The following KLF12 variants were observed in gnomAD, a reference collection of about 807,000 sequenced individuals.
The protein encoded by KLF12 is KLF transcription factor 12.
KLF12 carries 9 observed loss-of-function variants against 37.8 expected under a neutral mutation model. That is an observed-to-expected ratio of 0.24 (90% CI 0.14 to 0.42). KLF12 has a LOEUF of 0.42. Among genes scored for constraint, KLF12 ranks in the 10% least tolerant of loss-of-function variants. The pLI, the probability that KLF12 is intolerant of heterozygous loss-of-function variation, is 1.00. For missense variants in KLF12, 411 were observed against 516.0 expected (o/e 0.80, Z 1.97); for synonymous variants, 208 against 202.1 (o/e 1.03, Z -0.25).
chr13:74,195,245 T>C, the KLF12 span, among the ~76,000 whole-genome samples: 1 of 152,104 alleles, frequency 6.6e-6, no homozygotes, highest in Non-Finnish European at 1.5e-5. Flanking sequence ...CTACTTTTAG[T>C]GGAAAAGAAA....
intron 1 of KLF12, among the ~76,000 whole-genome samples, chr13:74,079,761 ACT>A (rs940462001): frequency 1.3e-5 from 2 of 152,138 alleles, no homozygotes; most frequent in Non-Finnish European, 2.9e-5. Flanking sequence ...AAAAATCGAA[ACT>A]CTTGTGTACT....
At chr13:73,803,782 ACACACAC>A (rs1566378738) in intron 5 of KLF12, among the ~76,000 whole-genome samples, 1 of 118,322 alleles carries the variant, frequency 8.5e-6, no homozygotes, top group African/African-American at 3.0e-5. Flanking sequence ...TCACACACAC[ACACACAC>A]ACACACACAC....
the KLF12 span, among the ~76,000 whole-genome samples, chr13:74,262,210 C>T: frequency 6.6e-6 from 1 of 152,072 alleles, no homozygotes; most frequent in Admixed American, 6.5e-5. Flanking sequence ...TAGAATTGAA[C>T]AAATGAGAGG....
chr13:73,773,386 A>G (rs755459504), intron 5 of KLF12, among the ~76,000 whole-genome samples: 1 of 152,232 alleles, frequency 6.6e-6, no homozygotes, highest in Non-Finnish European at 1.5e-5. Context: ...GTCAGGACAG[A>G]AAAGAGTGTC....
chr13:74,148,057 A>T, the KLF12 span, among the ~76,000 whole-genome samples: 1 of 151,892 alleles, frequency 6.6e-6, no homozygotes, highest in South Asian at 2.1e-4. Flanking sequence ...GATTACAGGC[A>T]TGTACCACCA....
At chr13:74,247,546 T>G in the KLF12 span, among the ~76,000 whole-genome samples, 1 of 152,224 alleles carries the variant, frequency 6.6e-6, no homozygotes, top group African/African-American at 2.4e-5. Context: ...TCATAGCACT[T>G]TCTCTTGTAA....
chr13:74,249,112 G>A, the KLF12 span, among the ~76,000 whole-genome samples: 1 of 151,980 alleles, frequency 6.6e-6, no homozygotes, highest in South Asian at 2.1e-4. Flanking sequence ...TCTGACAATT[G>A]CTGTGTGATA....
chr13:73,788,663 A>AT (rs1881496150), intron 5 of KLF12, among the ~76,000 whole-genome samples: 1 of 151,394 alleles, frequency 6.6e-6, no homozygotes, highest in Non-Finnish European at 1.5e-5. Context: ...ATTTTTAAAG[A>AT]TTTTTGTTCC....
the KLF12 span, among the ~76,000 whole-genome samples, chr13:74,280,673 G>C: frequency 6.6e-6 from 1 of 152,166 alleles, no homozygotes; most frequent in Admixed American, 6.6e-5. Flanking sequence ...CTTGTGGATG[G>C]AGTCAGAGCA....
chr13:73,928,635 A>C (rs1889519633), intron 3 of KLF12, among the ~76,000 whole-genome samples: 1 of 152,198 alleles, frequency 6.6e-6, no homozygotes, highest in African/African-American at 2.4e-5. Context: ...TTTTTCATGA[A>C]ACATGATAAA....
At chr13:73,743,467 T>A (rs561786651) in intron 6 of KLF12, among the ~76,000 whole-genome samples, 1 of 152,204 alleles carries the variant, frequency 6.6e-6, no homozygotes, top group African/African-American at 2.4e-5. Context: ...TCTGAGATCC[T>A]GAAAGCACCG....
the KLF12 span, among the ~76,000 whole-genome samples, chr13:74,154,718 G>A: frequency 1.3e-5 from 2 of 152,132 alleles, no homozygotes; most frequent in Non-Finnish European, 2.9e-5. Context: ...TCCCATCACT[G>A]GGCCATGACA....
At position 73,845,845 on chromosome 13, in the gene KLF12, C is replaced by T. The variant is rs1884981580; in HGVS notation, c.652G>A (p.Gly218Arg). ...CTCTTACCTTTGCCATGGCCTCTCCCATCCTCCAAAAGCGGCACGACAATA... is the reference window on the plus strand; with the variant it reads ...CTCTTACCTTTGCCATGGCCTCTCCTATCCTCCAAAAGCGGCACGACAATA... Residue 218 changes from glycine (G) to arginine (R), a missense_variant, in exon 4 of 8, where the codon GGG (glycine) becomes AGG (arginine). This residue lies in a region of KLF12 where 351 missense variants were observed against 397.8 expected (regional missense o/e 0.88). Coordinates refer to ENST00000377669, the MANE Select transcript of KLF12 (RefSeq NM_007249.5). 1 of 1,613,552 alleles carries T rather than the reference C, an allele frequency of 6.2e-7. No individual in the cohort carries two copies. The highest frequency in any genetic ancestry group is 1.3e-5 in the African/African-American group (1 of 74,928).
chr13:73,763,166 A>G (rs1358524052), intron 6 of KLF12, among the ~76,000 whole-genome samples: 1 of 151,994 alleles, frequency 6.6e-6, no homozygotes, highest in Non-Finnish European at 1.5e-5. Context: ...CCAAGTATGA[A>G]CTCTCAAATT....
chr13:73,970,100 A>G (rs1246416224), intron 2 of KLF12, among the ~76,000 whole-genome samples: 1 of 152,116 alleles, frequency 6.6e-6, no homozygotes, highest in African/African-American at 2.4e-5. Flanking sequence ...TTTTGTATCA[A>G]ACTAGGTCAA....
At chr13:74,026,109 C>T (rs138567019) in intron 1 of KLF12, among the ~76,000 whole-genome samples, 68 of 149,428 alleles carry the variant, frequency 4.6e-4, no homozygotes, top group Non-Finnish European at 9.5e-4. Context: ...ATCGATTGCA[C>T]ATGGATTGCA....
chr13:74,233,448 C>T, the KLF12 span, among the ~76,000 whole-genome samples: 21 of 152,062 alleles, frequency 1.4e-4, no homozygotes, highest in Non-Finnish European at 1.8e-4. Context: ...AAGTATTTCA[C>T]GAGCAATGGA....
intron 1 of KLF12, among the ~76,000 whole-genome samples, chr13:74,052,420 A>G (rs1872982924): frequency 6.6e-6 from 1 of 152,060 alleles, no homozygotes; most frequent in African/African-American, 2.4e-5. Context: ...TAAGTTTTCT[A>G]TTACTCCCAT....
intron 6 of KLF12, among the ~76,000 whole-genome samples, chr13:73,719,589 G>A (rs1030707599): frequency 1.1e-4 from 17 of 150,984 alleles, no homozygotes; most frequent in African/African-American, 3.4e-4. Flanking sequence ...ACACTCCTAC[G>A]CCCATTTCCC....
Sources: allele counts gnomAD v4.1 joint callset (sites outside exome capture counted in the v4.1 genomes callset), GRCh38; gene constraint gnomAD v4.1.1; regional missense constraint gnomAD v4.1.1; transcripts MANE v1.5; gene names NCBI Gene and HGNC (gene_info 2026-07-23, HGNC 2026-07-21).